DDHD1: variants seen among roughly 807,000 people sequenced by gnomAD.
DDHD1 encodes the protein phospholipase DDHD1.
A neutral mutation model predicts 96.4 loss-of-function variants in DDHD1; 49 were observed. The ratio of observed to expected loss-of-function variants is 0.51; its 90% confidence interval spans 0.40 to 0.64. The LOEUF is 0.64. Ranked by LOEUF, DDHD1 falls within the 30% of genes least tolerant of loss-of-function variation. DDHD1 has a pLI of 0.00. For synonymous variants in DDHD1, 442 were observed against 446.5 expected, an observed-to-expected ratio of 0.99 and a Z score of 0.13; for missense variants, 1,106 against 1,161.2, an observed-to-expected ratio of 0.95 and a Z score of 0.69.
chr14:53,137,103 G>A (rs1012138692), intron 1 of DDHD1, among the ~76,000 whole-genome samples: 1 of 152,022 alleles, frequency 6.6e-6, no homozygotes, highest in Admixed American at 6.6e-5. Flanking sequence ...TACCTAAAAT[G>A]AACTTCTAGA....
intron 4 of DDHD1, among the ~76,000 whole-genome samples, chr14:53,077,889 C>A (rs750139533): frequency 5.9e-5 from 9 of 152,130 alleles, no homozygotes; most frequent in African/African-American, 9.6e-5. Flanking sequence ...CAATATGGGG[C>A]CTTTTGTGTC....
intron 2 of DDHD1, among the ~76,000 whole-genome samples, chr14:53,098,488 C>A (rs2139700862): frequency 6.6e-6 from 1 of 151,902 alleles, no homozygotes; most frequent in South Asian, 2.1e-4. Flanking sequence ...AAAATTCCAA[C>A]CCCAGGGAAG....
At chr14:53,048,397 G>T (rs1411453902) in intron 12 of DDHD1, among the ~76,000 whole-genome samples, 2 of 150,968 alleles carry the variant, frequency 1.3e-5, no homozygotes, top group Non-Finnish European at 2.9e-5. Context: ...GAGTGCAGTG[G>T]CACGATCTTT....
chr14:53,055,812 A>T lies in DDHD1; in HGVS notation c.2093T>A (p.Met698Lys). The stretch of plus-strand genomic sequence containing the variant: ...AGCTGGGTTGAGAAAGCTTGGCTTC[A>T]TATGTTCATAAGGTAAAGGATTTGA... ...NTSNPLPYEHMKPSFLNPAKE... is the reference protein window; with the variant it reads ...NTSNPLPYEHKKPSFLNPAKE... Residue 698 changes from methionine (M) to lysine (K), a missense_variant, in exon 10 of 13, where the codon ATG becomes AAG. Physicochemically the swap from Met to Lys is moderately conservative, Grantham distance 95. Coordinates refer to ENST00000673822, the MANE Select transcript of DDHD1 (RefSeq NM_001160148.2). 6.2e-7 allele frequency: 1 copy of T among 1,614,102 alleles called. No individual in the cohort carries two copies. The highest frequency in any genetic ancestry group is 1.3e-5 in the African/African-American group (1 of 75,022).
rs2139865884 is a variant in DDHD1 at position 53,062,011 on chromosome 14, G to T, written c.1767-810C>A. Among the ~76,000 whole-genome samples the T allele has an allele frequency of 2.1e-5, 3 of 144,990 alleles. No homozygotes were observed. The Admixed American group carries it at 2.1e-4, about 10-fold the overall frequency. ...GACCGTGCCACTGCACTCCAGCCTG[G>T]GCAACAGAGCAAGACTCCGTCTCCA... On this transcript the variant is annotated intron_variant, in intron 7 of 12. Coordinates refer to ENST00000673822, the MANE Select transcript of DDHD1 (RefSeq NM_001160148.2).
chr14:53,129,294 A>G (rs1224992732), intron 1 of DDHD1, among the ~76,000 whole-genome samples: 1 of 152,202 alleles, frequency 6.6e-6, no homozygotes, highest in African/African-American at 2.4e-5. Flanking sequence ...CAGCCCAAGG[A>G]ACATCTCACC....
At chr14:53,048,305 T>C (rs910968497) in intron 12 of DDHD1, among the ~76,000 whole-genome samples, 2 of 151,982 alleles carry the variant, frequency 1.3e-5, no homozygotes, top group African/African-American at 4.8e-5. Flanking sequence ...GTAAAATACA[T>C]TGACATGGGC....
chr14:53,077,814 C>A (rs1885107705), intron 4 of DDHD1, among the ~76,000 whole-genome samples: 1 of 152,026 alleles, frequency 6.6e-6, no homozygotes, highest in African/African-American at 2.4e-5. Context: ...CCTCTTCTTC[C>A]CACCTGCCAG....
At chr14:53,113,446 A>G (rs1016801914) in intron 1 of DDHD1, among the ~76,000 whole-genome samples, 8 of 147,348 alleles carry the variant, frequency 5.4e-5, no homozygotes, top group African/African-American at 1.2e-4. Context: ...ATATGGGCAA[A>G]GGAGGAGAGG....
chr14:53,075,390 T>A (rs946912644), intron 4 of DDHD1, among the ~76,000 whole-genome samples: 2 of 152,174 alleles, frequency 1.3e-5, no homozygotes, highest in Admixed American at 6.6e-5. Flanking sequence ...CAGCTACAAC[T>A]TTCCCTTCAT....
intron 4 of DDHD1, among the ~76,000 whole-genome samples, chr14:53,087,540 A>C (rs564789933): frequency 1.1e-4 from 16 of 152,352 alleles, no homozygotes; most frequent in African/African-American, 3.8e-4. Flanking sequence ...TGGAAACTGA[A>C]CAACCTGCTC....
Position 53,091,880 on chromosome 14 carries a change from T to C in DDHD1, c.1194A>G (p.Leu398=), listed in dbSNP as rs1255064504. 4.3e-6 allele frequency: 7 copies of C among 1,613,598 alleles called. No individual in the cohort carries two copies. Among genetic ancestry groups the C allele is most frequent in the African/African-American group, 1.3e-5 (1 of 74,926 alleles). The change falls in exon 4 of 13, where the codon TTA becomes TTG. Residue 398 remains leucine, a synonymous_variant. Coordinates refer to ENST00000673822, the MANE Select transcript of DDHD1 (RefSeq NM_001160148.2). ...LHRGYVEEAT[L]EDKPSQTTHI... ...GGGTAGTCTGTGATGGCTTGTCTTCTAATGTGGCTTCTTCTACATAACCTC... is the reference window on the plus strand; with the variant it reads ...GGGTAGTCTGTGATGGCTTGTCTTCCAATGTGGCTTCTTCTACATAACCTC...
chr14:53,046,816 A>G lies in DDHD1; in HGVS notation c.2655T>C (p.Tyr885=). ...DVALFLLTFM[Y]KHEHDDDAKP... is the part of the protein sequence containing the mutation. The stretch of plus-strand genomic sequence containing the variant: ...TTGCATCATCATCGTGCTCATGTTT[A>G]TACATGAAGGTTAAAAGAAAAAGGG... The change falls in exon 13 of 13, where the codon TAT becomes TAC. Residue 885 remains tyrosine (Y), a synonymous_variant. Coordinates refer to ENST00000673822, the MANE Select transcript of DDHD1 (RefSeq NM_001160148.2). 1 of 1,612,912 alleles carries G rather than the reference A, an allele frequency of 6.2e-7. No homozygotes were observed. Among genetic ancestry groups the G allele is most frequent in the Non-Finnish European group, 8.5e-7 (1 of 1,179,372 alleles).
At chr14:53,134,394 G>A (rs542997335) in intron 1 of DDHD1, among the ~76,000 whole-genome samples, 69 of 152,024 alleles carry the variant, frequency 4.5e-4, no homozygotes, top group African/African-American at 1.4e-3. Context: ...TCGCCCTGAC[G>A]AAGTCCTATT....
chr14:53,116,271 A>G (rs1888536588), intron 1 of DDHD1, among the ~76,000 whole-genome samples: 1 of 152,204 alleles, frequency 6.6e-6, no homozygotes, highest in South Asian at 2.1e-4. Flanking sequence ...CCACACAATA[A>G]TAATAGGAGA....
chr14:53,084,344 C>T (rs994326818), intron 4 of DDHD1, among the ~76,000 whole-genome samples: 4 of 152,012 alleles, frequency 2.6e-5, no homozygotes, highest in Non-Finnish European at 5.9e-5. Flanking sequence ...TGGCTTAAGC[C>T]TTTTTGGGTT....
At chr14:53,077,221 C>G (rs1885046375) in intron 4 of DDHD1, among the ~76,000 whole-genome samples, 1 of 152,158 alleles carries the variant, frequency 6.6e-6, no homozygotes, top group African/African-American at 2.4e-5. Flanking sequence ...TACATAGGTA[C>G]ACACAACTTC....
chr14:53,083,751 T>C (rs528515669), intron 4 of DDHD1, among the ~76,000 whole-genome samples: 15 of 152,336 alleles, frequency 9.8e-5, no homozygotes, highest in Admixed American at 5.9e-4. Flanking sequence ...AGGGAAATGG[T>C]AAGAAATCCT....
chr14:53,095,101 T>C (rs1348484598), intron 2 of DDHD1, among the ~76,000 whole-genome samples: 1 of 152,190 alleles, frequency 6.6e-6, no homozygotes, highest in Non-Finnish European at 1.5e-5. Flanking sequence ...TATCCATCAA[T>C]TCATAATTTG....
Sources: allele counts gnomAD v4.1 joint callset (sites outside exome capture counted in the v4.1 genomes callset), GRCh38; gene constraint gnomAD v4.1.1; transcripts MANE v1.5; gene names NCBI Gene and HGNC (gene_info 2026-07-23, HGNC 2026-07-21).